The following ZSWIM6 variants were observed in gnomAD, a reference collection of about 807,000 sequenced individuals.
The protein encoded by ZSWIM6 is zinc finger SWIM domain-containing protein 6.
Under a neutral mutation model 113.2 loss-of-function variants are expected in ZSWIM6, and 9 were observed. The ratio of observed to expected loss-of-function variants is 0.08; its 90% CI spans 0.05 to 0.14. The LOEUF (loss-of-function observed/expected upper bound fraction) is 0.14, where lower values mean the gene tolerates loss of function less well. Ranked by LOEUF, ZSWIM6 falls within the 10% of genes least tolerant of loss-of-function variation. The probability of loss-of-function intolerance (pLI) is 1.00; values close to 1 mark genes in which losing one functional copy is unlikely to be tolerated. For synonymous variants in ZSWIM6, 611 were observed against 606.5 expected (o/e 1.01, Z -0.11); for missense variants, 1,162 against 1,552.2 (o/e 0.75, Z 4.22).
At chr5:61,439,869 A>AT (rs944241753) in intron 1 of ZSWIM6, among the ~76,000 whole-genome samples, 1 of 152,124 alleles carries the variant, frequency 6.6e-6, no homozygotes, top group African/African-American at 2.4e-5. Flanking sequence ...AAAGTTATCT[A>AT]TTTTCTCATG....
intron 1 of ZSWIM6, among the ~76,000 whole-genome samples, chr5:61,459,265 T>G (rs916290457): frequency 2.0e-5 from 3 of 152,210 alleles, no homozygotes; most frequent in African/African-American, 7.2e-5. Context: ...TGTAGTTAGA[T>G]CCCTGGGCCA....
chr5:61,511,105 G>A (rs1430795874), intron 4 of ZSWIM6, among the ~76,000 whole-genome samples: 3 of 152,140 alleles, frequency 2.0e-5, no homozygotes, highest in Non-Finnish European at 4.4e-5. Context: ...GCTTTGTAGT[G>A]ATGACTGTTA....
chr5:61,516,385 C>T (rs958827345), intron 4 of ZSWIM6, among the ~76,000 whole-genome samples: 1 of 148,112 alleles, frequency 6.8e-6, no homozygotes, highest in Non-Finnish European at 1.5e-5. Flanking sequence ...CTTTCACAGT[C>T]TACTTGAAGT....
At chr5:61,422,256 C>T (rs1412127349) in intron 1 of ZSWIM6, among the ~76,000 whole-genome samples, 1 of 152,122 alleles carries the variant, frequency 6.6e-6, no homozygotes, top group Non-Finnish European at 1.5e-5. Flanking sequence ...TGGTGAGAGA[C>T]AGGGGTCTAG....
At chr5:61,397,361 G>GTT (rs1340816845) in intron 1 of ZSWIM6, among the ~76,000 whole-genome samples, 1 of 152,196 alleles carries the variant, frequency 6.6e-6, no homozygotes, top group Non-Finnish European at 1.5e-5. Flanking sequence ...CACCTTGAGT[G>GTT]TTATATTAGG....
intron 1 of ZSWIM6, among the ~76,000 whole-genome samples, chr5:61,370,595 A>G (rs1411306469): frequency 1.3e-5 from 2 of 152,208 alleles, no homozygotes; most frequent in Non-Finnish European, 2.9e-5. Context: ...CATTTTATGC[A>G]TGAGGCTCAG....
At chr5:61,420,167 G>C (rs762312446) in intron 1 of ZSWIM6, among the ~76,000 whole-genome samples, 1 of 152,092 alleles carries the variant, frequency 6.6e-6, no homozygotes. Flanking sequence ...TTTCATCTTT[G>C]CCTGGAGGGC....
At chr5:61,417,653 A>G (rs1437373530) in intron 1 of ZSWIM6, among the ~76,000 whole-genome samples, 1 of 152,228 alleles carries the variant, frequency 6.6e-6, no homozygotes, top group Non-Finnish European at 1.5e-5. Context: ...TACTGTAGCT[A>G]ATCGGATCCT....
chr5:61,530,623 G>A (rs1749405113), intron 8 of ZSWIM6, among the ~76,000 whole-genome samples: 1 of 152,194 alleles, frequency 6.6e-6, no homozygotes, highest in Non-Finnish European at 1.5e-5. Context: ...CTTTAAGGGG[G>A]AGTATTAAAT....
chr5:61,384,472 A>G (rs1745553320), intron 1 of ZSWIM6, among the ~76,000 whole-genome samples: 4 of 152,220 alleles, frequency 2.6e-5, no homozygotes, highest in Admixed American at 2.0e-4. Context: ...AAAGTTTCAC[A>G]AAGGCTAAAA....
chr5:61,508,504 A>G (rs1376137832), intron 4 of ZSWIM6, among the ~76,000 whole-genome samples: 1 of 152,194 alleles, frequency 6.6e-6, no homozygotes, highest in Non-Finnish European at 1.5e-5. Context: ...ATTTTAACTA[A>G]TGACATTCTT....
At chr5:61,344,170 C>T (rs1213487701) in intron 1 of ZSWIM6, among the ~76,000 whole-genome samples, 1 of 152,192 alleles carries the variant, frequency 6.6e-6, no homozygotes, top group African/African-American at 2.4e-5. Flanking sequence ...GTTGGGATTA[C>T]AGGTGTGAGC....
At chr5:61,369,217 C>T (rs775070865) in intron 1 of ZSWIM6, among the ~76,000 whole-genome samples, 2 of 152,162 alleles carry the variant, frequency 1.3e-5, no homozygotes, top group African/African-American at 4.8e-5. Context: ...GCAAATGTAG[C>T]AGCCTTGGTT....
chr5:61,392,409 G>T (rs1745739180), intron 1 of ZSWIM6, among the ~76,000 whole-genome samples: 2 of 152,112 alleles, frequency 1.3e-5, no homozygotes, highest in African/African-American at 2.4e-5. Context: ...CTATCTTTCT[G>T]TAGGGAATTC....
chr5:61,525,649 G>A, intron 5 of ZSWIM6, 151 bp from the exon 6 acceptor site: 1 of 817,996 alleles, frequency 1.2e-6, no homozygotes, highest in Non-Finnish European at 1.9e-6. Context: ...TACTTAGGAT[G>A]TGAGAGTATT....
chr5:61,401,055 A>G (rs1745930485), intron 1 of ZSWIM6, among the ~76,000 whole-genome samples: 1 of 152,150 alleles, frequency 6.6e-6, no homozygotes, highest in Admixed American at 6.5e-5. Context: ...TTATGTTTAT[A>G]GACGTTTGGA....
chr5:61,476,716 C>G (rs923830391), intron 2 of ZSWIM6, among the ~76,000 whole-genome samples: 1 of 152,174 alleles, frequency 6.6e-6, no homozygotes, highest in African/African-American at 2.4e-5. Context: ...TTTCCAAGTA[C>G]TAACCCCACC....
chr5:61,397,396 G>A (rs925928062), intron 1 of ZSWIM6, among the ~76,000 whole-genome samples: 3 of 152,216 alleles, frequency 2.0e-5, no homozygotes, highest in Middle Eastern at 3.2e-3. Context: ...CCCCCAGGGG[G>A]TGGCAATCAT....
intron 1 of ZSWIM6, among the ~76,000 whole-genome samples, chr5:61,356,721 CAT>C (rs1361343363): frequency 1.7e-4 from 15 of 90,490 alleles, no homozygotes; most frequent in African/African-American, 3.4e-4. Flanking sequence ...ATATATATAA[CAT>C]AATATATAAT....
Sources: gnomAD v4.1 joint callset for allele counts (sites outside exome capture counted in the v4.1 genomes callset) on GRCh38, gnomAD v4.1.1 for gene constraint, MANE v1.5 for transcripts, NCBI Gene and HGNC (gene_info 2026-07-23, HGNC 2026-07-21) for gene names.